Variants in OR56A4 observed in about 807,000 individuals in gnomAD.
The protein encoded by OR56A4 is olfactory receptor 56A4.
Under a neutral mutation model 13.6 loss-of-function variants are expected in OR56A4, and 9 were observed. The ratio of observed to expected loss-of-function variants is 0.66; its 90% CI spans 0.40 to 1.15. The LOEUF (loss-of-function observed/expected upper bound fraction) is 1.15. OR56A4 is among the 50% of genes most tolerant of loss of function. The pLI is 0.01. For synonymous variants in OR56A4, 167 were observed against 153.9 expected, an observed-to-expected ratio of 1.08 and a Z score of -0.63; for missense variants, 380 against 375.9, an observed-to-expected ratio of 1.01 and a Z score of -0.09.
rs1263078592 is a variant in OR56A4 at position 6,002,474 on chromosome 11, T to G, written c.519A>C (p.Ala173=). The G allele has an allele frequency of 1.9e-6, 3 of 1,614,236 alleles. No homozygotes were observed. The Admixed American group carries it at 5.0e-5, about 27-fold the overall frequency. The stretch of plus-strand genomic sequence containing the variant: ...AGATGCAGTTCTTGATTATGTTTCC[T>G]GCACAGTATCTGAGCCTGGCAGAAA... ...PMLSARLRYC[A]GNIIKNCICS... Residue 173 remains alanine, a synonymous_variant, in exon 3 of 3, where the codon GCA becomes GCC. Transcript: ENST00000641156.
rs867470066 is a variant in OR56A4, at chr11:6,002,372, C to T, written c.621G>A (p.Trp207Ter). ...FNQLYQFVAG[W>*]TLLGSDLILI... ...GGATAAGATCAGAGCCCAACAGAGTCCAGCCTGCCACAAACTGGTAGAGCT... is the reference window on the plus strand; with the variant it reads ...GGATAAGATCAGAGCCCAACAGAGTTCAGCCTGCCACAAACTGGTAGAGCT... The change falls in exon 3 of 3, where the codon TGG (tryptophan) becomes TGA (stop). Residue 207 changes from tryptophan to a stop codon, truncating the protein, a stop_gained. Transcript: ENST00000641156. LOFTEE classifies it high-confidence loss of function. The T allele has an allele frequency of 1.2e-6, 2 of 1,614,144 alleles. No homozygotes were observed. The highest frequency in any genetic ancestry group is 1.7e-6 in the Non-Finnish European group (2 of 1,179,992).
intron 2 of OR56A4, among the ~76,000 whole-genome samples, chr11:6,003,934 A>G (rs1389439539): frequency 6.6e-6 from 1 of 152,244 alleles, no homozygotes; most frequent in Admixed American, 6.5e-5. Flanking sequence ...TACATTCTGT[A>G]AACTCATCTG....
intron 2 of OR56A4, among the ~76,000 whole-genome samples, chr11:6,003,393 A>C (rs114612615): frequency 0.01 from 1,557 of 152,320 alleles, 22 homozygotes; most frequent in African/African-American, 0.035. Flanking sequence ...ACACTTTACT[A>C]ATATTTACTT....
rs1055096176 is a variant in OR56A4, at chr11:5,999,893, C to T, written c.*2158G>A. 1.3e-5 allele frequency: 2 copies of T among 152,080 alleles called. No homozygotes were observed. Among genetic ancestry groups the T allele is most frequent in the Admixed American group, 6.5e-5 (1 of 15,272 alleles). 9.4% of individuals were successfully genotyped at this position (152,080 alleles called of 1,614,324 possible). On this transcript the variant is annotated 3_prime_UTR_variant, in exon 3 of 3. Transcript: ENST00000641156. Reference sequence around the variant, plus strand: ...AAGATGCAAGAATAATGATTCCAGTCGGGAGGATCAGGGAAGGAAGACCTA... The same window carrying T: ...AAGATGCAAGAATAATGATTCCAGTTGGGAGGATCAGGGAAGGAAGACCTA...
Position 6,002,134 on chromosome 11 carries a change from G to T in OR56A4, c.859C>A (p.Pro287Thr), listed in dbSNP as rs566437901. The T allele has an allele frequency of 1.1e-5, 17 of 1,614,138 alleles. No homozygotes were observed. In the East Asian group the frequency reaches 1.8e-4, roughly 17 times the overall value. The stretch of plus-strand genomic sequence containing the variant: ...TAAACAATGGGGTTCAGAGCTGGGG[G>T]AATGAGGTGGTGCAGGATGTTGAGC... ...ILLNILHHLIPPALNPIVYGV... is the reference protein window; with the variant it reads ...ILLNILHHLITPALNPIVYGV... Residue 287 changes from proline (P) to threonine (T), a missense_variant, in exon 3 of 3, where the codon CCC becomes ACC. By Grantham distance (38) the Pro-to-Thr change is conservative. Coordinates refer to ENST00000641156, the MANE Select transcript of OR56A4 (RefSeq NM_001005179.4).
chr11:6,003,024 T>A lies in OR56A4; in HGVS notation c.-32A>T, dbSNP rs767635248. The A allele has an allele frequency of 3.1e-6, 5 of 1,614,168 alleles. No homozygotes were observed. The highest frequency in any genetic ancestry group is 4.2e-6 in the Non-Finnish European group (5 of 1,179,980). Reference sequence around the variant, plus strand: ...TTTCCTGATCAATCTGGAGACCCAGTGTACCTTAAAACGTAGTAGAGAAGT... The same window carrying A: ...TTTCCTGATCAATCTGGAGACCCAGAGTACCTTAAAACGTAGTAGAGAAGT... On this transcript the variant is annotated 5_prime_UTR_variant, in exon 3 of 3. Transcript: ENST00000641156.
chr11:6,001,912 T>C lies in OR56A4; in HGVS notation c.*139A>G, dbSNP rs1255409973. 3 of 749,204 alleles carry C rather than the reference T, an allele frequency of 4.0e-6. No individual in the cohort carries two copies. The highest frequency in any genetic ancestry group is 3.6e-5 in the African/African-American group (2 of 56,130). 46.4% of individuals were successfully genotyped at this position (749,204 alleles called of 1,614,324 possible). On this transcript the variant is annotated 3_prime_UTR_variant, in exon 3 of 3. Coordinates refer to ENST00000641156, the MANE Select transcript of OR56A4 (RefSeq NM_001005179.4). Reference sequence around the variant, plus strand: ...ACAAATAAATGTGTTCATTGTTGCCTGAGATATTGAGAACAGAAGAATCCG... The same window carrying C: ...ACAAATAAATGTGTTCATTGTTGCCCGAGATATTGAGAACAGAAGAATCCG...
At position 6,002,726 on chromosome 11, in the gene OR56A4, C is replaced by T. The variant is rs777102907; in HGVS notation, c.267G>A (p.Trp89Ter). The change falls in exon 3 of 3, where the codon TGG (tryptophan) becomes TGA (stop). Residue 89 changes from tryptophan to a stop codon, truncating the protein, a stop_gained. Coordinates refer to ENST00000641156, the MANE Select transcript of OR56A4 (RefSeq NM_001005179.4). LOFTEE classifies it high-confidence loss of function. ...TVIPKVLAIF[W>*]FDLRSISFPA... Reference sequence around the variant, plus strand: ...GGAAGCTGATCGACCTGAGGTCAAACCAGAAGATGGCCAGGACCTTGGGGA... The same window carrying T: ...GGAAGCTGATCGACCTGAGGTCAAATCAGAAGATGGCCAGGACCTTGGGGA... 2.5e-6 allele frequency: 4 copies of T among 1,614,154 alleles called. No individual in the cohort carries two copies. Among genetic ancestry groups the T allele is most frequent in the Non-Finnish European group, 3.4e-6 (4 of 1,180,024 alleles).
intron 2 of OR56A4, among the ~76,000 whole-genome samples, chr11:6,004,422 C>T (rs1848241855): frequency 6.6e-6 from 1 of 152,158 alleles, no homozygotes; most frequent in African/African-American, 2.4e-5. Flanking sequence ...ACTGATCTTT[C>T]ACCCCTGTCC....
chr11:6,003,637 A>G (rs1848235335), intron 2 of OR56A4, among the ~76,000 whole-genome samples: 1 of 152,198 alleles, frequency 6.6e-6, no homozygotes, highest in Non-Finnish European at 1.5e-5. Context: ...TACCTAGAAA[A>G]AACTCAGGGA....
At position 6,002,627 on chromosome 11, in the gene OR56A4, G is replaced by C; in HGVS notation, c.366C>G (p.Ala122=). ...GGCAGATGGCCACATAACGGTCATA[G>C]GCCATGACCATGAACGTGCAGGACT... The part of the protein sequence containing the change: ...TMESCTFMVM[A]YDRYVAICHP... Residue 122 remains alanine (A), a synonymous_variant, in exon 3 of 3, where the codon GCC becomes GCG. Transcript: ENST00000641156. 1 of 1,614,242 alleles carries C rather than the reference G, an allele frequency of 6.2e-7. No homozygotes were observed. The highest frequency in any genetic ancestry group is 8.5e-7 in the Non-Finnish European group (1 of 1,180,042).
rs1238086590 is a variant in OR56A4 at position 6,002,999 on chromosome 11, T to C, written c.-7A>G. On this transcript the variant is annotated 5_prime_UTR_variant, in exon 3 of 3. Coordinates refer to ENST00000641156, the MANE Select transcript of OR56A4 (RefSeq NM_001005179.4). Reference sequence around the variant, plus strand: ...CATTGCTGGGAGATGCCATGTAAAGTTTCCTGATCAATCTGGAGACCCAGT... The same window carrying C: ...CATTGCTGGGAGATGCCATGTAAAGCTTCCTGATCAATCTGGAGACCCAGT... 6 of 1,613,972 alleles carry C rather than the reference T, an allele frequency of 3.7e-6. No individual in the cohort carries two copies. Among genetic ancestry groups the C allele is most frequent in the Admixed American group, 1.7e-5 (1 of 59,980 alleles).
chr11:6,003,207 T>C (rs1462929031), intron 2 of OR56A4, 179 bp from the exon 3 acceptor site: 2 of 1,086,774 alleles, frequency 1.8e-6, no homozygotes, highest in African/African-American at 3.2e-5. Context: ...TTATATTCAT[T>C]ATCTCATTTC....
intron 2 of OR56A4, among the ~76,000 whole-genome samples, chr11:6,004,410 T>C (rs926290150): frequency 1.3e-5 from 2 of 152,150 alleles, no homozygotes; most frequent in Non-Finnish European, 2.9e-5. Context: ...ATAGCTACAA[T>C]GACTGATCTT....
Position 6,002,779 on chromosome 11 carries a change from G to C in OR56A4, c.214C>G (p.Leu72Val), listed in dbSNP as rs368204471. The change falls in exon 3 of 3, where the codon CTG becomes GTG. Residue 72 changes from leucine (L) to valine (V), a missense_variant. By Grantham distance (32) the Leu-to-Val change is conservative. Coordinates refer to ENST00000641156, the MANE Select transcript of OR56A4 (RefSeq NM_001005179.4). ...LYYLLSLLSL[L>V]DIVLCLTVIP... Reference sequence around the variant, plus strand: ...ACGGTGAGGCAGAGCACGATGTCCAGCAGGGAGAGGAGGCTGAGCAGGTAG... The same window carrying C: ...ACGGTGAGGCAGAGCACGATGTCCACCAGGGAGAGGAGGCTGAGCAGGTAG... 5.9e-5 allele frequency: 96 copies of C among 1,613,818 alleles called. 1 individual carries two copies. In the Middle Eastern group the frequency reaches 5.7e-3, roughly 96 times the overall value.
At chr11:6,005,808 A>G (rs1459224010) in intron 2 of OR56A4, among the ~76,000 whole-genome samples, 2 of 152,228 alleles carry the variant, frequency 1.3e-5, no homozygotes, top group East Asian at 1.9e-4. Flanking sequence ...AGTCTCAACC[A>G]TAAGCCCTCA....
rs761678088 is a variant in OR56A4, at chr11:6,002,830, C to T, written c.163G>A (p.Glu55Lys). The T allele has an allele frequency of 8.1e-6, 13 of 1,613,788 alleles. No homozygotes were observed. Among genetic ancestry groups the T allele is most frequent in the Admixed American group, 5.0e-5 (3 of 60,010 alleles). The change falls in exon 3 of 3, where the codon GAG becomes AAG. Residue 55 changes from glutamate to lysine, a missense_variant. Glu to Lys is a moderately conservative substitution (Grantham distance 56). Transcript: ENST00000641156. ...NTTLLITIQLEASLHQPLYYL... is the reference protein window; with the variant it reads ...NTTLLITIQLKASLHQPLYYL... ...TACAGGGGCTGGTGCAGAGAGGCCT[C>T]CAGCTGGATGGTGATCAGGAGGGTG... is the stretch of plus-strand genomic sequence containing the variant.
chr11:6,004,305 G>C (rs1848240642), intron 2 of OR56A4, among the ~76,000 whole-genome samples: 1 of 152,036 alleles, frequency 6.6e-6, no homozygotes, highest in Non-Finnish European at 1.5e-5. Flanking sequence ...AGTGAGCCGA[G>C]ATCACGCCAC....
At chr11:6,003,470 C>T (rs907033859) in intron 2 of OR56A4, among the ~76,000 whole-genome samples, 1 of 152,150 alleles carries the variant, frequency 6.6e-6, no homozygotes, top group East Asian at 1.9e-4. Flanking sequence ...TACAGGTGGG[C>T]CAAGCTTATC....
Sources: gnomAD v4.1 joint callset for allele counts (sites outside exome capture counted in the v4.1 genomes callset) on GRCh38, gnomAD v4.1.1 for gene constraint, MANE v1.5 for transcripts, NCBI Gene and HGNC (gene_info 2026-07-23, HGNC 2026-07-21) for gene names.